Variants in REEP1 observed in about 807,000 individuals in gnomAD.
The protein encoded by REEP1 is receptor expression-enhancing protein 1.
In REEP1, 22 loss-of-function variants were observed where a neutral mutation model predicts 40.3. That is an observed-to-expected ratio of 0.55 (90% confidence interval 0.39 to 0.78). The LOEUF is 0.78. Among genes scored for constraint, REEP1 ranks in the 30% least tolerant of loss-of-function variants. The pLI is 0.00. For synonymous variants in REEP1, 116 were observed against 139.2 expected (o/e 0.83, Z 1.17); for missense variants, 280 against 361.1 (o/e 0.78, Z 1.82).
chr2:86,252,171 C>T, intron 4 of REEP1, 101 bp from the exon 5 acceptor site: 1 of 854,598 alleles, frequency 1.2e-6, no homozygotes, highest in Non-Finnish European at 2.0e-6. Context: ...CTTGCCCAAT[C>T]CTTGTTCTTG....
At chr2:86,308,924 T>C (rs1447919337) in intron 1 of REEP1, among the ~76,000 whole-genome samples, 2 of 151,712 alleles carry the variant, frequency 1.3e-5, no homozygotes, top group African/African-American at 4.8e-5. Flanking sequence ...GACTGGAGAG[T>C]CCTGGAAGGC....
intron 5 of REEP1, among the ~76,000 whole-genome samples, chr2:86,241,356 TCGAG>T (rs1675657555): frequency 6.6e-6 from 1 of 152,234 alleles, no homozygotes; most frequent in Non-Finnish European, 1.5e-5. Context: ...TCGCACGTGA[TCGAG>T]CTTTACAGAA....
At chr2:86,242,207 T>G (rs1675704346) in intron 5 of REEP1, among the ~76,000 whole-genome samples, 1 of 152,186 alleles carries the variant, frequency 6.6e-6, no homozygotes, top group South Asian at 2.1e-4. Context: ...TCATCCCTGT[T>G]TGCAGGTGAA....
intron 7 of REEP1, among the ~76,000 whole-genome samples, chr2:86,220,835 G>A (rs1474053041): frequency 3.9e-5 from 6 of 151,974 alleles, no homozygotes; most frequent in Non-Finnish European, 8.8e-5. Context: ...ATACATCTGC[G>A]GGAAAAGCTT....
intron 5 of REEP1, among the ~76,000 whole-genome samples, chr2:86,235,991 T>C (rs1458972581): frequency 1.3e-5 from 2 of 151,922 alleles, no homozygotes; most frequent in Non-Finnish European, 2.9e-5. Flanking sequence ...CCGAGGCAGG[T>C]GGATCACTTG....
intron 1 of REEP1, among the ~76,000 whole-genome samples, chr2:86,327,393 G>C (rs1184451755): frequency 6.6e-6 from 1 of 152,018 alleles, no homozygotes. Flanking sequence ...CACCTTCTAA[G>C]AATAGTGAGG....
At chr2:86,316,814 G>A (rs958065894) in intron 1 of REEP1, among the ~76,000 whole-genome samples, 4 of 152,142 alleles carry the variant, frequency 2.6e-5, no homozygotes, top group African/African-American at 9.7e-5. Context: ...GGCCGAGATC[G>A]TGCCATCGCA....
intron 6 of REEP1, among the ~76,000 whole-genome samples, chr2:86,230,039 G>A: frequency 6.6e-6 from 1 of 152,192 alleles, no homozygotes; most frequent in East Asian, 1.9e-4. Flanking sequence ...TAGGTGCGGA[G>A]GCCAAGGGGG....
chr2:86,255,165 ACAGGCTCAGAGGATCTCTTCTACG>A (rs1676486933), intron 3 of REEP1: 1 of 246,164 alleles, frequency 4.1e-6, no homozygotes, highest in Non-Finnish European at 8.0e-6. Context: ...GCCACAGCCT[ACAGGCTCAGAGGATCTCTTCTACG>A]CTGTACACCC....
At chr2:86,230,799 C>T (rs1209910733) in intron 6 of REEP1, among the ~76,000 whole-genome samples, 2 of 152,124 alleles carry the variant, frequency 1.3e-5, no homozygotes, top group East Asian at 1.9e-4. Flanking sequence ...GTAAATAGCT[C>T]GCCCGGGTCA....
chr2:86,270,323 A>G (rs952974772), intron 2 of REEP1, among the ~76,000 whole-genome samples: 14 of 152,116 alleles, frequency 9.2e-5, no homozygotes, highest in African/African-American at 7.2e-5. Flanking sequence ...CAGCCTCCCG[A>G]GTAGCTGGGA....
rs1185128659 is a variant in REEP1, at chr2:86,254,707, G to A, written c.290C>T (p.Ser97Phe). Residue 97 changes from serine to phenylalanine, a missense_variant, in exon 4 of 9, where the codon TCT becomes TTT. Ser to Phe is a radical substitution (Grantham distance 155). Transcript: ENST00000538924. Reference sequence around the variant, plus strand: ...AGCATATATTACCTTTTCTTTTGAAGATAGCGTGGGATGTACAAACTTCCT... The same window carrying A: ...AGCATATATTACCTTTTCTTTTGAAAATAGCGTGGGATGTACAAACTTCCT... Reference protein sequence around the residue: ...LYRKFVHPTLSSKEKEIDDCL... With the variant: ...LYRKFVHPTLFSKEKEIDDCL... The A allele has an allele frequency of 6.2e-7, 1 of 1,613,648 alleles. No homozygotes were observed.
chr2:86,261,813 G>A (rs978722950), intron 3 of REEP1, among the ~76,000 whole-genome samples: 4 of 152,222 alleles, frequency 2.6e-5, no homozygotes, highest in African/African-American at 9.6e-5. Flanking sequence ...CCATCCCTGG[G>A]CAATGGAATG....
In REEP1 at chr2:86,286,853, C is replaced by T. The variant is rs865896976; in HGVS notation, c.33-4611G>A. Among the ~76,000 whole-genome samples, 6 of 152,212 alleles carry T rather than the reference C, an allele frequency of 3.9e-5. No homozygotes were observed. The South Asian group carries it at 6.2e-4, about 16-fold the overall frequency. ...GCATCCTAGAGTTGCACCAACATGT[C>T]CCAATCCCAAATTGTGCTAAAAATT... is the stretch of plus-strand genomic sequence containing the variant. On this transcript the variant is annotated intron_variant, in intron 1 of 8. Coordinates refer to ENST00000538924, the MANE Select transcript of REEP1 (RefSeq NM_001371279.1).
intron 2 of REEP1, among the ~76,000 whole-genome samples, chr2:86,270,904 TA>T (rs58652971): frequency 0.043 from 6,523 of 150,052 alleles, 476 homozygotes; most frequent in African/African-American, 0.15. Flanking sequence ...AAAATTTGAT[TA>T]AAAAAAAAAT....
intron 1 of REEP1, among the ~76,000 whole-genome samples, chr2:86,318,696 C>T (rs1390403038): frequency 6.6e-6 from 1 of 152,128 alleles, no homozygotes; most frequent in African/African-American, 2.4e-5. Flanking sequence ...CTGCACCCGG[C>T]CGAGACCAAC....
intron 1 of REEP1, among the ~76,000 whole-genome samples, chr2:86,335,779 G>A (rs4430958): frequency 0.33 from 50,309 of 150,544 alleles, 10,575 homozygotes; most frequent in East Asian, 0.77. Context: ...AACCCAGGAG[G>A]CGGAGGCTTC....
chr2:86,325,161 T>G (rs1254706945), intron 1 of REEP1, among the ~76,000 whole-genome samples: 2 of 152,194 alleles, frequency 1.3e-5, no homozygotes, highest in East Asian at 3.9e-4. Context: ...GGTAAGAGGA[T>G]TGCTGGAAGA....
At chr2:86,310,391 G>A (rs937163395) in intron 1 of REEP1, among the ~76,000 whole-genome samples, 2 of 152,166 alleles carry the variant, frequency 1.3e-5, no homozygotes, top group African/African-American at 4.8e-5. Context: ...GTAGCATGCT[G>A]TGCAGGTTTG....
Sources: allele counts gnomAD v4.1 joint callset (sites outside exome capture counted in the v4.1 genomes callset), GRCh38; gene constraint gnomAD v4.1.1; transcripts MANE v1.5; gene names NCBI Gene and HGNC (gene_info 2026-07-23, HGNC 2026-07-21).